Variants in TAF4 observed in about 807,000 individuals in gnomAD.
The protein encoded by TAF4 is TATA-box binding protein associated factor 4.
A neutral mutation model predicts 90.3 loss-of-function variants in TAF4; 9 were observed. That is an observed-to-expected ratio of 0.10 (90% CI 0.06 to 0.17). The LOEUF is 0.17. Among genes scored for constraint, TAF4 ranks in the 10% least tolerant of loss-of-function variants. TAF4 has a pLI of 1.00. For synonymous variants in TAF4, 818 were observed against 638.9 expected (o/e 1.28, Z -4.23); for missense variants, 1,351 against 1,370.7 (o/e 0.99, Z 0.23).
intron 1 of TAF4, among the ~76,000 whole-genome samples, chr20:62,033,850 G>A (rs1040339133): frequency 6.6e-6 from 1 of 151,984 alleles, no homozygotes; most frequent in Non-Finnish European, 1.5e-5. Context: ...AGACCATCCT[G>A]GCTAACACGG....
chr20:62,050,139 C>G (rs1320875880), intron 1 of TAF4, among the ~76,000 whole-genome samples: 2 of 152,204 alleles, frequency 1.3e-5, no homozygotes, highest in Non-Finnish European at 2.9e-5. Flanking sequence ...ACAGTCAAAA[C>G]AGGTAACACC....
At chr20:61,993,300 C>A (rs2055643641) in intron 14 of TAF4, among the ~76,000 whole-genome samples, 4 of 152,180 alleles carry the variant, frequency 2.6e-5, no homozygotes, top group Admixed American at 2.6e-4. Flanking sequence ...CAGCGTCCTG[C>A]CGCAGGGAGG....
intron 1 of TAF4, among the ~76,000 whole-genome samples, chr20:62,046,948 G>A (rs7274240): frequency 0.58 from 88,151 of 152,072 alleles, 26,293 homozygotes; most frequent in African/African-American, 0.69. Context: ...AGTTCTTTAC[G>A]TACTCTGGAC....
intron 1 of TAF4, among the ~76,000 whole-genome samples, chr20:62,049,068 G>A (rs62204323): frequency 0.14 from 16,012 of 110,468 alleles, 1,214 homozygotes; most frequent in East Asian, 0.47. Flanking sequence ...TGACCACCTC[G>A]GTCACCAGGC....
intron 1 of TAF4, among the ~76,000 whole-genome samples, chr20:62,047,097 A>C (rs915049052): frequency 6.6e-6 from 1 of 152,188 alleles, no homozygotes; most frequent in Non-Finnish European, 1.5e-5. Context: ...CTATTAGTTC[A>C]TGCTACTTGT....
chr20:61,991,786 A>T (rs1436866984), intron 14 of TAF4, among the ~76,000 whole-genome samples: 1 of 152,180 alleles, frequency 6.6e-6, no homozygotes, highest in Non-Finnish European at 1.5e-5. Flanking sequence ...ACCGCACTGA[A>T]AGAACACAGC....
chr20:61,992,563 G>C (rs1160512121), intron 14 of TAF4, among the ~76,000 whole-genome samples: 1 of 150,244 alleles, frequency 6.7e-6, no homozygotes, highest in Non-Finnish European at 1.5e-5. Context: ...CTCTGAATTT[G>C]AACTACCTGA....
chr20:62,012,826 G>A lies in TAF4; in HGVS notation c.1630C>T (p.Pro544Ser), dbSNP rs1182344503. ...VQPSATLQRS[P>S]GVQPQLVLGG... is the part of the protein sequence containing the mutation. ...GCCTGCCCTCTCACCTGGACGCCGG[G>A]CGAGCGCTGCAGGGTTGCACTGGGC... Residue 544 changes from proline to serine, a missense_variant, in exon 3 of 15, where the codon CCC becomes TCC. This residue lies in a region of TAF4 where 143 missense variants were observed against 176.3 expected (regional missense o/e 0.81). Transcript: ENST00000252996. 8 of 1,612,494 alleles carry A rather than the reference G, an allele frequency of 5.0e-6. No homozygotes were observed. In the East Asian group the frequency reaches 6.7e-5, roughly 14 times the overall value.
At chr20:61,998,071 C>A (rs2055674737) in intron 13 of TAF4, 65 bp downstream of exon 13, 1 of 1,495,708 alleles carries the variant, frequency 6.7e-7, no homozygotes, top group Admixed American at 2.2e-5. Context: ...CCTTAGCCCC[C>A]CTCCCGTGGG....
chr20:62,030,051 G>A (rs2055896127), intron 1 of TAF4, among the ~76,000 whole-genome samples: 2 of 152,220 alleles, frequency 1.3e-5, no homozygotes, highest in Non-Finnish European at 2.9e-5. Flanking sequence ...CTGGCCAGGT[G>A]GAGGAAAGAC....
At position 62,006,993 on chromosome 20, in the gene TAF4, AAG is replaced by A; in HGVS notation, c.1975-237_1975-236del. On this transcript the variant is annotated intron_variant, in intron 6 of 14. Transcript: ENST00000252996. The surrounding 1 kb of genome is among the most constrained non-coding windows in gnomAD (Gnocchi z 7.0). ...AAATGTGTTCAAGAAAACAAACAAA[AAG>A]AGACATATTTTTAAAAAACTTTTTA... 1 of 448,662 alleles carries A rather than the reference AAG, an allele frequency of 2.2e-6. No individual in the cohort carries two copies. Among genetic ancestry groups the A allele is most frequent in the Non-Finnish European group, 3.7e-6 (1 of 272,778 alleles). The allele number at this position is 448,662 out of a possible 1,614,324, so 27.8% of individuals were successfully genotyped here. A position where few individuals can be genotyped will look rare whatever the true frequency, so the allele number is the denominator to read the frequency against.
At chr20:61,991,431 A>T (rs1384622893) in intron 14 of TAF4, among the ~76,000 whole-genome samples, 3 of 151,750 alleles carry the variant, frequency 2.0e-5, no homozygotes, top group Non-Finnish European at 4.4e-5. Context: ...CTCAAAAAAT[A>T]AAAATTAAAA....
intron 1 of TAF4, among the ~76,000 whole-genome samples, chr20:62,056,839 T>C (rs2145520397): frequency 6.6e-6 from 1 of 152,308 alleles, no homozygotes; most frequent in South Asian, 2.1e-4. Context: ...AAAATCATGT[T>C]GAAGTAACTA....
chr20:61,979,093 T>G (rs1275932506), intron 14 of TAF4: 1 of 153,216 alleles, frequency 6.5e-6, no homozygotes, highest in East Asian at 1.9e-4. Flanking sequence ...AGTTTGTTGC[T>G]AAACTGCTCT....
At position 62,010,300 on chromosome 20, in the gene TAF4, GCCA is replaced by G; in HGVS notation, c.1642-138_1642-136del. ...GACGCCCAGGAAGCCAAGGACCCCG[GCCA>G]CCTGCCAGCCCGCTGGACACGGGAG... On this transcript the variant is annotated intron_variant, in intron 3 of 14. Transcript: ENST00000252996. The surrounding 1 kb of genome is among the most constrained non-coding windows in gnomAD (Gnocchi z 4.5). 7 of 1,324,874 alleles carry G rather than the reference GCCA, an allele frequency of 5.3e-6. No homozygotes were observed. Among genetic ancestry groups the G allele is most frequent in the Non-Finnish European group, 7.2e-6 (7 of 967,660 alleles). The allele number at this position is 1,324,874 out of a possible 1,614,324, so 82.1% of individuals were successfully genotyped here.
chr20:61,995,578 T>TA (rs1568925582), intron 14 of TAF4, among the ~76,000 whole-genome samples: 4 of 76,650 alleles, frequency 5.2e-5, no homozygotes, highest in African/African-American at 2.5e-4. Context: ...GAAAAAAAAA[T>TA]TTGAGCCGGG....
At position 61,999,000 on chromosome 20, in the gene TAF4, G is replaced by C; in HGVS notation, c.2896C>G (p.Leu966Val). ...GCACTCGCCTTTGCTGCCCTCATCA[G>C]GATCTCCCGCTCCTGCTCATCCTTC... is the stretch of plus-strand genomic sequence containing the variant. ...QRKDEQEREI[L>V]MRAAKSRSRQ... The change falls in exon 12 of 15, where the codon CTG becomes GTG. Residue 966 changes from leucine to valine, a missense_variant. Around this residue, in one of 9 missense-constraint regions of TAF4, gnomAD observed 95 missense variants for 151.3 expected, o/e 0.63. Coordinates refer to ENST00000252996, the MANE Select transcript of TAF4 (RefSeq NM_003185.4). 6.2e-7 allele frequency: 1 copy of C among 1,613,852 alleles called. No individual in the cohort carries two copies. The highest frequency in any genetic ancestry group is 8.5e-7 in the Non-Finnish European group (1 of 1,180,032).
Position 62,010,486 on chromosome 20 carries a change from G to T in TAF4, c.1642-321C>A, listed in dbSNP as rs1023869905. Among the ~76,000 whole-genome samples, 4 of 152,136 alleles carry T rather than the reference G, an allele frequency of 2.6e-5. No homozygotes were observed. The highest frequency in any genetic ancestry group is 9.7e-5 in the African/African-American group (4 of 41,428). On this transcript the variant is annotated intron_variant, in intron 3 of 14. Transcript: ENST00000252996. The surrounding 1 kb of genome is among the most constrained non-coding windows in gnomAD (Gnocchi z 4.5). ...CATGGAAAAAGTCACATAGAGACCA[G>T]AGTAAATAATCCTAACAGGCAACCC...
At chr20:62,050,113 T>C (rs2056018068) in intron 1 of TAF4, among the ~76,000 whole-genome samples, 1 of 152,118 alleles carries the variant, frequency 6.6e-6, no homozygotes, top group South Asian at 2.1e-4. Context: ...CAACCTTCCA[T>C]GAAGATGAGG....
Sources: allele counts gnomAD v4.1 joint callset (sites outside exome capture counted in the v4.1 genomes callset), GRCh38; gene constraint gnomAD v4.1.1; regional missense constraint gnomAD v4.1.1; non-coding constraint Gnocchi (gnomAD v3.1); transcripts MANE v1.5; gene names NCBI Gene and HGNC (gene_info 2026-07-23, HGNC 2026-07-21).